The following FAM171A1 variants were observed in gnomAD, a reference collection of about 807,000 sequenced individuals.
FAM171A1 encodes family with sequence similarity 171 member A1.
Under a neutral mutation model 74.9 loss-of-function variants are expected in FAM171A1, and 23 were observed. The observed-to-expected ratio is 0.31, with a 90% CI of 0.22 to 0.44. The LOEUF (loss-of-function observed/expected upper bound fraction) is 0.44, where lower values mean the gene tolerates loss of function less well. Among genes scored for constraint, FAM171A1 ranks in the 20% least tolerant of loss-of-function variants. The pLI is 1.00. For synonymous variants in FAM171A1, 527 were observed against 505.7 expected (o/e 1.04, Z -0.57); for missense variants, 1,162 against 1,159.2 (o/e 1.00, Z -0.03).
chr10:15,350,929 C>T (rs1157765685), intron 1 of FAM171A1, among the ~76,000 whole-genome samples: 1 of 152,164 alleles, frequency 6.6e-6, no homozygotes, highest in Non-Finnish European at 1.5e-5. Flanking sequence ...AGGTGTGAGC[C>T]ACCATGCCTG....
In FAM171A1 at chr10:15,221,031, C is replaced by A. The variant is rs12254516; in HGVS notation, c.784G>T (p.Val262Leu). The change falls in exon 6 of 8, where the codon GTG (valine) becomes TTG (leucine). Residue 262 changes from valine to leucine, a missense_variant. Transcript: ENST00000378116. Reference sequence around the variant, plus strand: ...GTCAGCTGGCTGCCTTCCTGGTGCACAAGACCCAGACCGCTCTTCAGCCAC... The same window carrying A: ...GTCAGCTGGCTGCCTTCCTGGTGCAAAAGACCCAGACCGCTCTTCAGCCAC... Reference protein sequence around the residue: ...GTWLKSGLGLVHQEGSQLTWT... With the variant: ...GTWLKSGLGLLHQEGSQLTWT... The A allele has an allele frequency of 2.4e-4, 380 of 1,614,142 alleles. 2 individuals are homozygous for A. In the African/African-American group the frequency reaches 4.3e-3, roughly 18 times the overall value.
At chr10:15,223,201 A>G (rs974697675) in intron 5 of FAM171A1, among the ~76,000 whole-genome samples, 10 of 152,172 alleles carry the variant, frequency 6.6e-5, no homozygotes, top group Admixed American at 2.6e-4. Context: ...AAAAGTAAGA[A>G]AAAGGTTTTC....
At chr10:15,343,846 T>C (rs929285765) in intron 1 of FAM171A1, among the ~76,000 whole-genome samples, 2 of 152,158 alleles carry the variant, frequency 1.3e-5, no homozygotes, top group Non-Finnish European at 2.9e-5. Flanking sequence ...GTAATGATAA[T>C]GTCCCAGGCT....
chr10:15,371,826 G>GA (rs1226853063), upstream of FAM171A1, among the ~76,000 whole-genome samples: 1 of 152,192 alleles, frequency 6.6e-6, no homozygotes, highest in Non-Finnish European at 1.5e-5. Flanking sequence ...TGACACGTGT[G>GA]AAAGCACAGC....
intron 1 of FAM171A1, among the ~76,000 whole-genome samples, chr10:15,316,148 A>G (rs546716290): frequency 1.4e-4 from 22 of 152,284 alleles, no homozygotes; most frequent in African/African-American, 4.8e-4. Context: ...ATTATTCCTT[A>G]TTTTGAACTC....
At chr10:15,358,527 C>T (rs1835958824) in intron 1 of FAM171A1, among the ~76,000 whole-genome samples, 1 of 152,136 alleles carries the variant, frequency 6.6e-6, no homozygotes, top group Non-Finnish European at 1.5e-5. Context: ...AAACAGTTTG[C>T]CAAATATTAA....
In FAM171A1 at chr10:15,214,397, G is replaced by A; in HGVS notation, c.1191C>T (p.Val397=). The change falls in exon 8 of 8, where the codon GTC becomes GTT. Residue 397 remains valine, a synonymous_variant. Transcript: ENST00000378116. The part of the protein sequence containing the change: ...APGTKELMSG[V]HLEMMSPGGE... ...CGCCCGGAGACATCATTTCCAAATGGACTCCACTCATCAGTTCCTTCGTGC... is the reference window on the plus strand; with the variant it reads ...CGCCCGGAGACATCATTTCCAAATGAACTCCACTCATCAGTTCCTTCGTGC... 6.2e-7 allele frequency: 1 copy of A among 1,614,006 alleles called. No homozygotes were observed. The highest frequency in any genetic ancestry group is 8.5e-7 in the Non-Finnish European group (1 of 1,179,962).
chr10:15,287,759 T>A (rs1835055286), intron 1 of FAM171A1, among the ~76,000 whole-genome samples: 1 of 152,196 alleles, frequency 6.6e-6, no homozygotes, highest in African/African-American at 2.4e-5. Context: ...TTATAAATTT[T>A]AAATTTTTAT....
At chr10:15,341,380 A>C (rs1273308716) in intron 1 of FAM171A1, among the ~76,000 whole-genome samples, 1 of 152,232 alleles carries the variant, frequency 6.6e-6, no homozygotes, top group Admixed American at 6.5e-5. Flanking sequence ...TGTCTAAATC[A>C]CTACAAAATC....
intron 3 of FAM171A1, among the ~76,000 whole-genome samples, chr10:15,274,275 C>CA (rs2131797849): frequency 6.6e-6 from 1 of 152,264 alleles, no homozygotes; most frequent in Non-Finnish European, 1.5e-5. Flanking sequence ...TGAGTGAACT[C>CA]CCATTCACAA....
intron 1 of FAM171A1, among the ~76,000 whole-genome samples, chr10:15,329,827 A>C (rs546048355): frequency 6.6e-6 from 1 of 152,234 alleles, no homozygotes; most frequent in Non-Finnish European, 1.5e-5. Context: ...ACCTTCAGTG[A>C]CACTGCTAAG....
chr10:15,275,544 A>G (rs1588527661), intron 3 of FAM171A1, among the ~76,000 whole-genome samples: 1 of 151,850 alleles, frequency 6.6e-6, no homozygotes, highest in East Asian at 1.9e-4. Flanking sequence ...TGATCAACCC[A>G]CCTAGGCTTC....
In FAM171A1 at chr10:15,254,845, T is replaced by G. The variant is rs141312276; in HGVS notation, c.453A>C (p.Arg151Ser). 152 of 1,614,058 alleles carry G rather than the reference T, an allele frequency of 9.4e-5. 1 individual carries two copies. The Middle Eastern group carries it at 1.5e-3, about 16-fold the overall frequency. The part of the protein sequence containing the change: ...ARPQPRVHFQ[R>S]RALRLPENTS... ...TGTTCTCAGGCAACCTCAGAGCCCT[T>G]CTCTGGAAATGAACGCGAGGCTGTG... is the stretch of plus-strand genomic sequence containing the variant. Residue 151 changes from arginine (R) to serine (S), a missense_variant, in exon 4 of 8, where the codon AGA (arginine) becomes AGC (serine). Arg to Ser is a moderately radical substitution (Grantham distance 110). Coordinates refer to ENST00000378116, the MANE Select transcript of FAM171A1 (RefSeq NM_001010924.2).
chr10:15,244,731 G>C (rs372065539), intron 5 of FAM171A1, among the ~76,000 whole-genome samples: 1 of 151,984 alleles, frequency 6.6e-6, no homozygotes, highest in African/African-American at 2.4e-5. Context: ...GCACAGACTC[G>C]GTGAGGGTGC....
intron 1 of FAM171A1, among the ~76,000 whole-genome samples, chr10:15,316,883 G>A (rs1835428231): frequency 1.3e-5 from 2 of 152,126 alleles, no homozygotes; most frequent in South Asian, 4.2e-4. Flanking sequence ...TTTATTCCAA[G>A]ACAGACTCAC....
At chr10:15,229,863 CCCATCACCATCATCACCATCACCA>C (rs1476069315) in intron 5 of FAM171A1, among the ~76,000 whole-genome samples, 6,726 of 15,612 alleles carry the variant, frequency 0.43, 1,321 homozygotes, top group African/African-American at 0.5. Context: ...CACCATCACC[CCCATCACCATCATCACCATCACCA>C]CCATCACCAT....
rs191630476 is a variant in FAM171A1 at position 15,270,378 on chromosome 10, G to T, written c.418+5477C>A. On this transcript the variant is annotated intron_variant, in intron 3 of 7. Coordinates refer to ENST00000378116, the MANE Select transcript of FAM171A1 (RefSeq NM_001010924.2). ...CTTGAGTAGCCAAACAAAATGGCTGGGAAGCTCGAACTGGGTGGAGCTCAC... is the reference window on the plus strand; with the variant it reads ...CTTGAGTAGCCAAACAAAATGGCTGTGAAGCTCGAACTGGGTGGAGCTCAC... 2.6e-3 allele frequency among the ~76,000 whole-genome samples: 398 copies of T among 152,320 alleles called. 1 individual carries two copies. Among genetic ancestry groups the T allele is most frequent in the African/African-American group, 9.3e-3 (386 of 41,584 alleles).
chr10:15,250,234 G>A (rs140762859), intron 4 of FAM171A1, among the ~76,000 whole-genome samples: 23 of 152,282 alleles, frequency 1.5e-4, no homozygotes, highest in African/African-American at 5.5e-4. Context: ...TGGAAAGATC[G>A]AAGTTGGAAT....
chr10:15,214,720 T>G, intron 7 of FAM171A1, 119 bp from the exon 8 acceptor site: 1 of 1,343,800 alleles, frequency 7.4e-7, no homozygotes, highest in African/African-American at 1.5e-5. Context: ...ACAAAACAAG[T>G]CAGGAGCAGC....
Sources: allele counts gnomAD v4.1 joint callset (sites outside exome capture counted in the v4.1 genomes callset), GRCh38; gene constraint gnomAD v4.1.1; transcripts MANE v1.5; gene names NCBI Gene and HGNC (gene_info 2026-07-23, HGNC 2026-07-21).